The following MCU variants were observed in gnomAD, a reference collection of about 807,000 sequenced individuals.
The protein encoded by MCU is calcium uniporter protein, mitochondrial.
Under a neutral mutation model 45.2 loss-of-function variants are expected in MCU, and 12 were observed. That is an observed-to-expected ratio of 0.27 (90% CI 0.17 to 0.43). The LOEUF is 0.43. MCU is among the 20% of genes least tolerant of loss of function. The pLI is 1.00. For synonymous variants in MCU, 160 were observed against 165.1 expected, an observed-to-expected ratio of 0.97 and a Z score of 0.24; for missense variants, 324 against 436.7, an observed-to-expected ratio of 0.74 and a Z score of 2.30.
intron 1 of MCU, among the ~76,000 whole-genome samples, chr10:72,728,075 CTG>C (rs1843123799): frequency 6.6e-6 from 1 of 152,072 alleles, no homozygotes. Context: ...TTTTAACTGT[CTG>C]TGCTGAGTAT....
intron 1 of MCU, among the ~76,000 whole-genome samples, chr10:72,738,699 G>A (rs2132693588): frequency 6.6e-6 from 1 of 152,296 alleles, no homozygotes; most frequent in East Asian, 1.9e-4. Flanking sequence ...ATCCTGTGTT[G>A]CCTGTTGCCT....
At chr10:72,767,736 G>A (rs1843748632) in intron 1 of MCU, among the ~76,000 whole-genome samples, 1 of 152,136 alleles carries the variant, frequency 6.6e-6, no homozygotes, top group Non-Finnish European at 1.5e-5. Context: ...TTTGAGTGCT[G>A]AGTCTTTCCC....
chr10:72,697,954 T>TC (rs1298665747), intron 1 of MCU, among the ~76,000 whole-genome samples: 3 of 151,688 alleles, frequency 2.0e-5, no homozygotes, highest in Non-Finnish European at 2.9e-5. Flanking sequence ...AAGAATTTTT[T>TC]TTTTTTTTGG....
intron 1 of MCU, among the ~76,000 whole-genome samples, chr10:72,724,362 G>GTAC (rs1391560696): frequency 6.6e-6 from 1 of 152,170 alleles, no homozygotes; most frequent in Non-Finnish European, 1.5e-5. Context: ...TCTTTTAAAA[G>GTAC]TACTGTCTTT....
At chr10:72,778,313 G>T (rs1564553922) in intron 1 of MCU, among the ~76,000 whole-genome samples, 1 of 152,120 alleles carries the variant, frequency 6.6e-6, no homozygotes, top group Non-Finnish European at 1.5e-5. Flanking sequence ...AGAAAATGTG[G>T]TATATATACA....
At chr10:72,815,446 C>T (rs1191318053) in intron 1 of MCU, among the ~76,000 whole-genome samples, 3 of 152,094 alleles carry the variant, frequency 2.0e-5, no homozygotes, top group African/African-American at 4.8e-5. Flanking sequence ...CAATTGATAT[C>T]GAGGCATATT....
chr10:72,849,309 C>G (rs537178657), intron 2 of MCU, among the ~76,000 whole-genome samples: 55 of 149,702 alleles, frequency 3.7e-4, no homozygotes, highest in African/African-American at 1.3e-3. Flanking sequence ...AATGAAAGCA[C>G]ATGATGACTG....
At chr10:72,807,984 T>C (rs1844477926) in intron 1 of MCU, among the ~76,000 whole-genome samples, 1 of 152,176 alleles carries the variant, frequency 6.6e-6, no homozygotes, top group Non-Finnish European at 1.5e-5. Flanking sequence ...CAACATGAAA[T>C]AGGAAAATTT....
intron 1 of MCU, among the ~76,000 whole-genome samples, chr10:72,727,500 T>A (rs970847870): frequency 6.6e-6 from 1 of 152,238 alleles, no homozygotes; most frequent in Non-Finnish European, 1.5e-5. Flanking sequence ...TCTACATTCC[T>A]GATTACAATC....
At position 72,692,199 on chromosome 10, in the gene MCU, GGGC is replaced by G. The variant is rs753160618; in HGVS notation, c.60_62del (p.Gly22del). ...CGCTCCTGCTGCTCCTCTCCTCTCG[GGGC>G]GGCGGCGGCGGGGGCGCCGGCGGCT... On this transcript the variant is annotated inframe_deletion, in exon 1 of 8. Coordinates refer to ENST00000373053, the MANE Select transcript of MCU (RefSeq NM_138357.3). 65 of 1,261,826 alleles carry G rather than the reference GGGC, an allele frequency of 5.2e-5. No individual in the cohort carries two copies. Among genetic ancestry groups the G allele is most frequent in the Middle Eastern group, 2.8e-4 (1 of 3,562 alleles). The allele number at this position is 1,261,826 out of a possible 1,614,324, so 78.2% of individuals were successfully genotyped here.
intron 1 of MCU, among the ~76,000 whole-genome samples, chr10:72,795,295 C>A (rs1844226546): frequency 6.6e-6 from 1 of 152,164 alleles, no homozygotes; most frequent in Non-Finnish European, 1.5e-5. Flanking sequence ...CTGCCTCCAC[C>A]TGCCATCCCT....
chr10:72,837,608 C>A (rs186712563), intron 2 of MCU, among the ~76,000 whole-genome samples: 85 of 152,270 alleles, frequency 5.6e-4, no homozygotes, highest in African/African-American at 1.9e-3. Context: ...GACCTCAAAT[C>A]TAAAACACGT....
At chr10:72,707,567 T>C (rs1842839029) in intron 1 of MCU, among the ~76,000 whole-genome samples, 1 of 151,648 alleles carries the variant, frequency 6.6e-6, no homozygotes, top group Non-Finnish European at 1.5e-5. Flanking sequence ...ATTAGTTTTC[T>C]GAGATAGTTA....
intron 1 of MCU, among the ~76,000 whole-genome samples, chr10:72,709,127 C>A (rs773912560): frequency 1.3e-5 from 2 of 152,126 alleles, no homozygotes; most frequent in Non-Finnish European, 2.9e-5. Flanking sequence ...AGAGGTGCTG[C>A]CAACTGTAGA....
chr10:72,884,242 A>G, intron 6 of MCU, 24 bp from the exon 7 acceptor site: 1 of 1,373,458 alleles, frequency 7.3e-7, no homozygotes, highest in Non-Finnish European at 1.0e-6. Context: ...AAGGACTGAT[A>G]ATTCCGTTTC....
intron 1 of MCU, among the ~76,000 whole-genome samples, chr10:72,693,468 C>T (rs775993261): frequency 5.3e-4 from 81 of 152,138 alleles, no homozygotes; most frequent in Non-Finnish European, 8.8e-4. Context: ...ATAAACACAT[C>T]GCCTGCCTTG....
At chr10:72,703,342 G>C (rs1014030884) in intron 1 of MCU, among the ~76,000 whole-genome samples, 3 of 152,172 alleles carry the variant, frequency 2.0e-5, no homozygotes, top group African/African-American at 7.2e-5. Flanking sequence ...AGTCACAGCT[G>C]TTAAGTGACA....
chr10:72,822,673 A>G (rs563564210), intron 1 of MCU, among the ~76,000 whole-genome samples: 1 of 152,122 alleles, frequency 6.6e-6, no homozygotes, highest in Non-Finnish European at 1.5e-5. Flanking sequence ...TAAGATAGGT[A>G]TAATCAAAAA....
At chr10:72,881,313 C>T (rs898961366) in intron 6 of MCU, among the ~76,000 whole-genome samples, 1 of 151,962 alleles carries the variant, frequency 6.6e-6, no homozygotes, top group African/African-American at 2.4e-5. Context: ...TCTTATAGCT[C>T]CTATAAGAGA....
Sources: allele counts gnomAD v4.1 joint callset (sites outside exome capture counted in the v4.1 genomes callset), GRCh38; gene constraint gnomAD v4.1.1; transcripts MANE v1.5; gene names NCBI Gene and HGNC (gene_info 2026-07-23, HGNC 2026-07-21).